Variants in ENOPH1 observed in about 807,000 individuals in gnomAD.
ENOPH1 encodes enolase-phosphatase E1.
Under a neutral mutation model 31.1 loss-of-function variants are expected in ENOPH1, and 14 were observed. The observed-to-expected ratio is 0.45, with a 90% CI of 0.30 to 0.70. ENOPH1 has a LOEUF of 0.70. Among genes scored for constraint, ENOPH1 ranks in the 30% least tolerant of loss-of-function variants. The pLI is 0.09. For missense variants in ENOPH1, 243 were observed against 321.5 expected, an observed-to-expected ratio of 0.76 and a Z score of 1.87; for synonymous variants, 127 against 123.2, an observed-to-expected ratio of 1.03 and a Z score of -0.21.
intron 5 of ENOPH1, 48 bp from the exon 6 acceptor site, chr4:82,459,930 ACAT>A (rs1490111884): frequency 8.1e-6 from 13 of 1,601,210 alleles, no homozygotes; most frequent in Non-Finnish European, 1.1e-5. Flanking sequence ...CAAATCTCAG[ACAT>A]CATTTTTTGG....
chr4:82,431,472 C>T (rs1322368505), intron 1 of ENOPH1, among the ~76,000 whole-genome samples: 1 of 152,176 alleles, frequency 6.6e-6, no homozygotes, highest in Non-Finnish European at 1.5e-5. Flanking sequence ...CTGTTAGGCG[C>T]TGTGGTCCAT....
chr4:82,433,902 T>C lies in ENOPH1; in HGVS notation c.84+2989T>C, dbSNP rs979759723. Among the ~76,000 whole-genome samples, 4 of 152,070 alleles carry C rather than the reference T, an allele frequency of 2.6e-5. 1 individual carries two copies. Among genetic ancestry groups the C allele is most frequent in the Admixed American group, 2.6e-4 (4 of 15,250 alleles). On this transcript the variant is annotated intron_variant, in intron 1 of 5. Transcript: ENST00000273920. Reference sequence around the variant, plus strand: ...AGCACGGAAAGGTTGAGCATGGGAGTTGAAAGATAATCTGCTTGGAGCTTT... The same window carrying C: ...AGCACGGAAAGGTTGAGCATGGGAGCTGAAAGATAATCTGCTTGGAGCTTT...
intron 1 of ENOPH1, among the ~76,000 whole-genome samples, chr4:82,436,041 A>C (rs962313103): frequency 2.0e-5 from 3 of 152,232 alleles, no homozygotes; most frequent in Admixed American, 6.5e-5. Context: ...GGAAGGATTG[A>C]TAAGGAAAAG....
chr4:82,454,687 G>T, intron 3 of ENOPH1, 35 bp from the exon 4 acceptor site: 2 of 1,602,830 alleles, frequency 1.2e-6, no homozygotes, highest in Non-Finnish European at 1.7e-6. Context: ...TAGATGAGGT[G>T]TTCCTGTATT....
chr4:82,432,219 A>C (rs1418462313), intron 1 of ENOPH1, among the ~76,000 whole-genome samples: 3 of 152,176 alleles, frequency 2.0e-5, no homozygotes, highest in Non-Finnish European at 4.4e-5. Flanking sequence ...GTAGGTTATA[A>C]TATAAAATCC....
intron 1 of ENOPH1, among the ~76,000 whole-genome samples, chr4:82,441,767 GTC>G (rs1722048728): frequency 6.6e-6 from 1 of 151,860 alleles, no homozygotes; most frequent in Non-Finnish European, 1.5e-5. Context: ...TAGTGAGACT[GTC>G]TCTACAAAAA....
At chr4:82,447,361 T>C (rs896651941) in intron 1 of ENOPH1, among the ~76,000 whole-genome samples, 1 of 152,186 alleles carries the variant, frequency 6.6e-6, no homozygotes, top group African/African-American at 2.4e-5. Context: ...AAGTTTGTTT[T>C]GTTTTTTTTT....
chr4:82,437,295 A>C (rs916813570), intron 1 of ENOPH1, among the ~76,000 whole-genome samples: 1 of 152,176 alleles, frequency 6.6e-6, no homozygotes, highest in Non-Finnish European at 1.5e-5. Flanking sequence ...CAGGTTCCTC[A>C]GGGAACCTAG....
At chr4:82,455,596 T>C (rs564626365) in intron 4 of ENOPH1, among the ~76,000 whole-genome samples, 93 of 150,146 alleles carry the variant, frequency 6.2e-4, no homozygotes, top group East Asian at 4.9e-3. Flanking sequence ...CTGGCTAACA[T>C]GGTGAAACCC....
chr4:82,446,687 ATC>A (rs543202720), intron 1 of ENOPH1, among the ~76,000 whole-genome samples: 1 of 95,780 alleles, frequency 1.0e-5, no homozygotes, highest in Non-Finnish European at 1.9e-5. Flanking sequence ...GTGTGACGGA[ATC>A]TTTTTTTTTT....
rs893147310 is a variant in ENOPH1, at chr4:82,430,733, C to A, written c.-97C>A. 7.6e-6 allele frequency: 9 copies of A among 1,180,932 alleles called. No individual in the cohort carries two copies. Among genetic ancestry groups the A allele is most frequent in the Non-Finnish European group, 1.1e-5 (9 of 810,482 alleles). 73.2% of individuals were successfully genotyped at this position (1,180,932 alleles called of 1,614,324 possible). ...TGGCTCCGAGATCGCGCGGGGCCGCCGGAAGCCCAAGACGGTACCGGGGGC... is the reference window on the plus strand; with the variant it reads ...TGGCTCCGAGATCGCGCGGGGCCGCAGGAAGCCCAAGACGGTACCGGGGGC... On this transcript the variant is annotated 5_prime_UTR_variant, in exon 1 of 6. Coordinates refer to ENST00000273920, the MANE Select transcript of ENOPH1 (RefSeq NM_021204.5).
intron 4 of ENOPH1, among the ~76,000 whole-genome samples, chr4:82,455,084 A>C (rs925041099): frequency 2.6e-5 from 4 of 152,208 alleles, no homozygotes; most frequent in Admixed American, 2.6e-4. Flanking sequence ...GTTAGGATGC[A>C]AAATAGGATT....
chr4:82,449,722 T>G (rs903235527), intron 2 of ENOPH1, among the ~76,000 whole-genome samples: 3 of 152,146 alleles, frequency 2.0e-5, no homozygotes, highest in Non-Finnish European at 4.4e-5. Context: ...AGCCATGTCA[T>G]TCTCCATATG....
At chr4:82,431,105 C>T (rs942491501) in intron 1 of ENOPH1, among the ~76,000 whole-genome samples, 192 bp downstream of exon 1, 1 of 152,162 alleles carries the variant, frequency 6.6e-6, no homozygotes, top group Non-Finnish European at 1.5e-5. Flanking sequence ...ACACTAGCTT[C>T]TCCCTCCCCC....
rs953527050 is a variant in ENOPH1 at position 82,459,448 on chromosome 4, C to T, written c.647-533C>T. ...CTGGGACTACAGGCACACGCCACCA[C>T]GCCCGGCTAATTTTTGTATTGTTTT... On this transcript the variant is annotated intron_variant, in intron 5 of 5. Coordinates refer to ENST00000273920, the MANE Select transcript of ENOPH1 (RefSeq NM_021204.5). Among the ~76,000 whole-genome samples, 6 of 152,146 alleles carry T rather than the reference C, an allele frequency of 3.9e-5. No homozygotes were observed. In the South Asian group the frequency reaches 8.3e-4, roughly 21 times the overall value.
Position 82,430,749 on chromosome 4 carries a change from T to C in ENOPH1, c.-81T>C, listed in dbSNP as rs530194901. 7.0e-4 allele frequency: 972 copies of C among 1,382,090 alleles called. 13 individuals are homozygous for C. In the South Asian group the frequency reaches 0.011, roughly 15 times the overall value. The allele number at this position is 1,382,090 out of a possible 1,614,324, so 85.6% of individuals were successfully genotyped here. On this transcript the variant is annotated 5_prime_UTR_variant, in exon 1 of 6. Coordinates refer to ENST00000273920, the MANE Select transcript of ENOPH1 (RefSeq NM_021204.5). ...CGGGGCCGCCGGAAGCCCAAGACGG[T>C]ACCGGGGGCCGCAGCCGCAGCCGGC...
chr4:82,457,239 G>T (rs1722514086), intron 5 of ENOPH1, among the ~76,000 whole-genome samples: 1 of 152,008 alleles, frequency 6.6e-6, no homozygotes, highest in Non-Finnish European at 1.5e-5. Flanking sequence ...AGGCAGGCTT[G>T]GTGGCTCATG....
intron 5 of ENOPH1, 46 bp downstream of exon 5, chr4:82,457,084 A>G: frequency 1.3e-6 from 2 of 1,563,948 alleles, no homozygotes; most frequent in Non-Finnish European, 1.7e-6. Flanking sequence ...ATATGAACTG[A>G]GCCTGGCACT....
At chr4:82,459,588 G>A (rs577108246) in intron 5 of ENOPH1, among the ~76,000 whole-genome samples, 12 of 152,154 alleles carry the variant, frequency 7.9e-5, no homozygotes, top group Admixed American at 3.9e-4. Context: ...ATTTTAATTC[G>A]TGTTACCAAC....
Sources: allele counts gnomAD v4.1 joint callset (sites outside exome capture counted in the v4.1 genomes callset), GRCh38; gene constraint gnomAD v4.1.1; transcripts MANE v1.5; gene names NCBI Gene and HGNC (gene_info 2026-07-23, HGNC 2026-07-21).